Variants in DLG2 observed in about 807,000 individuals in gnomAD.
DLG2 encodes the protein discs large MAGUK scaffold protein 2.
A neutral mutation model predicts 132.5 loss-of-function variants in DLG2; 45 were observed. That is an observed-to-expected ratio of 0.34 (90% CI 0.27 to 0.44). The LOEUF (loss-of-function observed/expected upper bound fraction) is 0.44. DLG2 is among the 20% of genes least tolerant of loss of function. The pLI, the probability that DLG2 is intolerant of heterozygous loss-of-function variation, is 1.00. For synonymous variants in DLG2, 424 were observed against 419.6 expected (o/e 1.01, Z -0.13); for missense variants, 1,045 against 1,196.9 (o/e 0.87, Z 1.87).
At position 84,080,927 on chromosome 11, in the gene DLG2, G is replaced by A. The variant is rs371775643; in HGVS notation, c.749+17996C>T. Among the ~76,000 whole-genome samples the A allele has an allele frequency of 7.3e-5, 11 of 151,240 alleles. No individual in the cohort carries two copies. The East Asian group carries it at 2.0e-3, about 27-fold the overall frequency. On this transcript the variant is annotated intron_variant, in intron 10 of 27. Transcript: ENST00000376104. ...GACTCACTTGAACCCACGAGGCAGA[G>A]GTTGCAGTGAGCCGAGATCGCACCA...
At chr11:84,954,747 T>A (rs1463789189) in intron 6 of DLG2, among the ~76,000 whole-genome samples, 1 of 152,192 alleles carries the variant, frequency 6.6e-6, no homozygotes, top group Admixed American at 6.5e-5. Context: ...TCTAATTCCA[T>A]AAGGATTGAG....
At chr11:85,425,981 G>A (rs557025952) in intron 3 of DLG2, among the ~76,000 whole-genome samples, 1 of 152,232 alleles carries the variant, frequency 6.6e-6, no homozygotes, top group Non-Finnish European at 1.5e-5. Context: ...CAGCATACCA[G>A]AAGATTACAT....
At chr11:85,030,767 C>T (rs687695) in intron 6 of DLG2, among the ~76,000 whole-genome samples, 108,330 of 151,944 alleles carry the variant, frequency 0.71, 39,600 homozygotes, top group East Asian at 0.93. Flanking sequence ...TACATTAATC[C>T]CACCTCATAT....
intron 6 of DLG2, among the ~76,000 whole-genome samples, chr11:84,585,740 T>G (rs2099528156): frequency 6.6e-6 from 1 of 152,268 alleles, no homozygotes. Flanking sequence ...TAACTTATTT[T>G]GTTGCTGTTG....
chr11:84,026,719 T>A (rs1252247270), intron 11 of DLG2, among the ~76,000 whole-genome samples: 2 of 152,104 alleles, frequency 1.3e-5, no homozygotes, highest in Non-Finnish European at 2.9e-5. Context: ...AGTGGGCTAA[T>A]GTGGAAGAAA....
intron 3 of DLG2, among the ~76,000 whole-genome samples, chr11:85,345,462 T>C (rs1204951982): frequency 6.6e-6 from 1 of 152,138 alleles, no homozygotes; most frequent in Non-Finnish European, 1.5e-5. Flanking sequence ...TTTACACATA[T>C]TTTTTATTTT....
At chr11:84,883,065 C>T (rs994917907) in intron 6 of DLG2, among the ~76,000 whole-genome samples, 2 of 152,048 alleles carry the variant, frequency 1.3e-5, no homozygotes, top group African/African-American at 4.8e-5. Context: ...AACCCAAATG[C>T]CCATCAATGA....
chr11:83,734,727 A>G (rs2091651141), intron 18 of DLG2, among the ~76,000 whole-genome samples: 1 of 152,180 alleles, frequency 6.6e-6, no homozygotes, highest in Non-Finnish European at 1.5e-5. Context: ...CTGGGATTAT[A>G]GGCATAAGCC....
At chr11:83,687,955 G>A (rs1054207888) in intron 18 of DLG2, among the ~76,000 whole-genome samples, 1 of 151,688 alleles carries the variant, frequency 6.6e-6, no homozygotes, top group Non-Finnish European at 1.5e-5. Context: ...CTACAGTGAG[G>A]TATGGTCACG....
intron 10 of DLG2, among the ~76,000 whole-genome samples, chr11:84,067,608 T>C (rs2096698574): frequency 6.6e-6 from 1 of 151,292 alleles, no homozygotes; most frequent in South Asian, 2.1e-4. Flanking sequence ...TCAAATGACT[T>C]CAAATCATAA....
chr11:83,497,185 AAC>A (rs2094188926), intron 21 of DLG2, among the ~76,000 whole-genome samples: 1 of 152,198 alleles, frequency 6.6e-6, no homozygotes, highest in African/African-American at 2.4e-5. Flanking sequence ...GGCAAAGCAA[AAC>A]AAAACAAACA....
intron 18 of DLG2, among the ~76,000 whole-genome samples, chr11:83,664,104 GAA>G (rs1182349056): frequency 6.6e-6 from 1 of 152,172 alleles, no homozygotes; most frequent in Non-Finnish European, 1.5e-5. Flanking sequence ...ATTGTAGACA[GAA>G]AGCATCTAGT....
At chr11:84,474,311 T>A (rs559273041) in intron 7 of DLG2, among the ~76,000 whole-genome samples, 115 of 152,190 alleles carry the variant, frequency 7.6e-4, no homozygotes, top group African/African-American at 2.7e-3. Context: ...TAATTTTCAT[T>A]AAATAATTTT....
At chr11:85,121,430 C>A (rs1285716835) in intron 5 of DLG2, among the ~76,000 whole-genome samples, 4 of 150,868 alleles carry the variant, frequency 2.7e-5, no homozygotes, top group Non-Finnish European at 4.4e-5. Context: ...TAATTTTCCC[C>A]AAAAAATACC....
chr11:83,686,665 T>C (rs1240410750), intron 18 of DLG2, among the ~76,000 whole-genome samples: 1 of 152,240 alleles, frequency 6.6e-6, no homozygotes, highest in Non-Finnish European at 1.5e-5. Flanking sequence ...ACAAATTTCT[T>C]ACTGTCCCTA....
intron 9 of DLG2, among the ~76,000 whole-genome samples, chr11:84,102,283 G>A (rs1016053088): frequency 6.6e-6 from 1 of 152,088 alleles, no homozygotes; most frequent in Non-Finnish European, 1.5e-5. Context: ...TAGAAGGCAG[G>A]AACTGTGTAG....
At chr11:84,412,077 A>G (rs965959417) in intron 7 of DLG2, among the ~76,000 whole-genome samples, 1 of 151,200 alleles carries the variant, frequency 6.6e-6, no homozygotes, top group African/African-American at 2.4e-5. Context: ...TTAGCACCCT[A>G]TAGCTGGGCT....
chr11:85,225,747 G>A (rs1266418107), intron 4 of DLG2, among the ~76,000 whole-genome samples: 3 of 152,048 alleles, frequency 2.0e-5, no homozygotes, highest in African/African-American at 7.2e-5. Flanking sequence ...TGCCACTCCA[G>A]AGGTAGTCTC....
intron 6 of DLG2, among the ~76,000 whole-genome samples, chr11:84,914,279 T>C (rs1360716206): frequency 6.6e-6 from 1 of 152,122 alleles, no homozygotes; most frequent in Admixed American, 6.6e-5. Flanking sequence ...ATTTGAGAAA[T>C]ATTTAAGGCC....
Sources: allele counts gnomAD v4.1 joint callset (sites outside exome capture counted in the v4.1 genomes callset), GRCh38; gene constraint gnomAD v4.1.1; transcripts MANE v1.5; gene names NCBI Gene and HGNC (gene_info 2026-07-23, HGNC 2026-07-21).